Variants in ABLIM3 observed in about 807,000 individuals in gnomAD.
ABLIM3 encodes the protein actin-binding LIM protein 3.
Under a neutral mutation model 109.5 loss-of-function variants are expected in ABLIM3, and 61 were observed. The ratio of observed to expected loss-of-function variants is 0.56; its 90% confidence interval spans 0.45 to 0.69. The LOEUF is 0.69. Among genes scored for constraint, ABLIM3 ranks in the 30% least tolerant of loss-of-function variants. The pLI is 0.00. For synonymous variants in ABLIM3, 300 were observed against 324.8 expected (o/e 0.92, Z 0.82); for missense variants, 796 against 889.5 (o/e 0.89, Z 1.34).
intron 8 of ABLIM3, among the ~76,000 whole-genome samples, chr5:149,225,509 A>G (rs921147867): frequency 4.6e-5 from 7 of 152,196 alleles, no homozygotes; most frequent in Non-Finnish European, 7.3e-5. Context: ...TTATGGCTGA[A>G]CAATATTCCA....
intron 2 of ABLIM3, among the ~76,000 whole-genome samples, chr5:149,179,394 GT>G (rs1756267428): frequency 6.6e-6 from 1 of 152,106 alleles, no homozygotes; most frequent in Non-Finnish European, 1.5e-5. Context: ...GAAAGATTAG[GT>G]TTGTTCAGTC....
chr5:149,202,308 TG>T (rs1272282716), intron 5 of ABLIM3, among the ~76,000 whole-genome samples: 3 of 152,210 alleles, frequency 2.0e-5, no homozygotes, highest in Non-Finnish European at 4.4e-5. Flanking sequence ...GAGGAAAAAG[TG>T]AGTCAAGAGG....
At chr5:149,219,322 C>T (rs1760408480) in intron 8 of ABLIM3, 1 of 152,258 alleles carries the variant, frequency 6.6e-6, no homozygotes, top group Admixed American at 6.5e-5. Flanking sequence ...AGCTACCCAA[C>T]AGAAACTTGT....
chr5:149,226,423 G>T (rs1761288863), intron 8 of ABLIM3, among the ~76,000 whole-genome samples: 1 of 152,098 alleles, frequency 6.6e-6, no homozygotes, highest in East Asian at 1.9e-4. Flanking sequence ...GGCAGAGGTT[G>T]CAGTGAGCCT....
At chr5:149,220,513 G>A (rs1004647030) in intron 8 of ABLIM3, 1 of 152,260 alleles carries the variant, frequency 6.6e-6, no homozygotes, top group African/African-American at 2.4e-5. Context: ...CCTGGAATGA[G>A]GGGGACCAGG....
intron 2 of ABLIM3, among the ~76,000 whole-genome samples, chr5:149,166,244 T>C (rs1217380893): frequency 6.6e-6 from 1 of 152,216 alleles, no homozygotes; most frequent in Non-Finnish European, 1.5e-5. Flanking sequence ...TTATCCCAAC[T>C]GATGTCACTT....
intron 3 of ABLIM3, among the ~76,000 whole-genome samples, chr5:149,195,990 A>G (rs1757934645): frequency 6.6e-6 from 1 of 152,246 alleles, no homozygotes; most frequent in Admixed American, 6.5e-5. Flanking sequence ...GTTCTAAAAG[A>G]AAAGCTCAGC....
chr5:149,143,288 G>T (rs1752648366), intron 2 of ABLIM3, among the ~76,000 whole-genome samples: 1 of 150,936 alleles, frequency 6.6e-6, no homozygotes, highest in African/African-American at 2.4e-5. Flanking sequence ...GCTTGAACCT[G>T]GGAGGCAGAG....
rs1754668263 is a variant in ABLIM3, at chr5:149,258,726, T to C, written c.*322T>C. ...CCTAAAGAAGGTGCCTGAAGAAGTC[T>C]CTCTTCTCTCTGCTTCGTGGCCCCT... On this transcript the variant is annotated 3_prime_UTR_variant, in exon 24 of 24. Coordinates refer to ENST00000309868, the MANE Select transcript of ABLIM3 (RefSeq NM_014945.5). 4 of 1,023,820 alleles carry C rather than the reference T, an allele frequency of 3.9e-6. No individual in the cohort carries two copies. In the South Asian group the frequency reaches 1.3e-4, roughly 33 times the overall value. 63.4% of individuals were successfully genotyped at this position (1,023,820 alleles called of 1,614,324 possible).
In ABLIM3 at chr5:149,247,993, T is replaced by C. The variant is rs950501598; in HGVS notation, c.1699+64T>C. ...CTTTCTCTGTGACTAGCTGGCAGTG[T>C]CAGCTGTTTGCTCTGAGCCAGGCTC... On this transcript the variant is annotated intron_variant, in intron 18 of 23. Coordinates refer to ENST00000309868, the MANE Select transcript of ABLIM3 (RefSeq NM_014945.5). 175 of 1,556,786 alleles carry C rather than the reference T, an allele frequency of 1.1e-4. 1 individual carries two copies. Among genetic ancestry groups the C allele is most frequent in the Non-Finnish European group, 1.5e-4 (173 of 1,148,728 alleles).
chr5:149,159,979 C>T (rs1442540589), intron 2 of ABLIM3, among the ~76,000 whole-genome samples: 1 of 152,174 alleles, frequency 6.6e-6, no homozygotes, highest in African/African-American at 2.4e-5. Flanking sequence ...AAATGTTTTA[C>T]CTTTAGATTA....
chr5:149,230,832 A>G (rs1359106429), intron 9 of ABLIM3, 125 bp downstream of exon 9: 2 of 1,106,226 alleles, frequency 1.8e-6, no homozygotes, highest in East Asian at 2.5e-5. Flanking sequence ...ATGTGTGCCT[A>G]TGTCCTTGGA....
chr5:149,195,622 A>AG (rs144987325), intron 3 of ABLIM3, among the ~76,000 whole-genome samples: 72 of 151,938 alleles, frequency 4.7e-4, no homozygotes, highest in African/African-American at 1.7e-3. Flanking sequence ...GACAAAGGAG[A>AG]GAAAAAAAAA....
intron 5 of ABLIM3, among the ~76,000 whole-genome samples, chr5:149,206,002 C>T (rs1391691367): frequency 6.6e-6 from 1 of 152,230 alleles, no homozygotes; most frequent in African/African-American, 2.4e-5. Context: ...CTCCTCACTA[C>T]TCCCAAGTGT....
At position 149,245,027 on chromosome 5, in the gene ABLIM3, A is replaced by G. The variant is rs764382300; in HGVS notation, c.1486+12A>G. The G allele has an allele frequency of 1.1e-5, 18 of 1,614,148 alleles. No individual in the cohort carries two copies. The highest frequency in any genetic ancestry group is 1.5e-5 in the Non-Finnish European group (18 of 1,180,008). ...TGGGTCCCCCAAAGGTAGTACCCCC[A>G]TAGGAGCCTGGGTCCAGGGCCCTAA... On this transcript the variant is annotated intron_variant, in intron 16 of 23. Coordinates refer to ENST00000309868, the MANE Select transcript of ABLIM3 (RefSeq NM_014945.5).
At chr5:149,150,474 C>T (rs1394758489) in intron 2 of ABLIM3, among the ~76,000 whole-genome samples, 5 of 152,118 alleles carry the variant, frequency 3.3e-5, no homozygotes, top group African/African-American at 7.2e-5. Flanking sequence ...AGAGGAATAA[C>T]GTAAGGAACA....
At chr5:149,149,036 A>G (rs1195582092) in intron 2 of ABLIM3, among the ~76,000 whole-genome samples, 1 of 152,226 alleles carries the variant, frequency 6.6e-6, no homozygotes, top group Non-Finnish European at 1.5e-5. Flanking sequence ...GTATGCTAAC[A>G]AATTACTTTT....
chr5:149,216,346 A>C (rs1367351921), intron 7 of ABLIM3, among the ~76,000 whole-genome samples: 1 of 152,182 alleles, frequency 6.6e-6, no homozygotes, highest in Non-Finnish European at 1.5e-5. Flanking sequence ...GTAACCTGAA[A>C]ATAAATAGAG....
At chr5:149,196,717 A>G (rs1470920920) in intron 3 of ABLIM3, among the ~76,000 whole-genome samples, 2 of 152,202 alleles carry the variant, frequency 1.3e-5, no homozygotes, top group African/African-American at 4.8e-5. Flanking sequence ...TGATTGGTAC[A>G]TTCAGTGGGT....
Sources: allele counts gnomAD v4.1 joint callset (sites outside exome capture counted in the v4.1 genomes callset), GRCh38; gene constraint gnomAD v4.1.1; transcripts MANE v1.5; gene names NCBI Gene and HGNC (gene_info 2026-07-23, HGNC 2026-07-21).